Variants in DYRK4 observed in about 807,000 individuals in gnomAD.
DYRK4 encodes dual specificity tyrosine-phosphorylation-regulated kinase 4.
A neutral mutation model predicts 68.3 loss-of-function variants in DYRK4; 64 were observed. The ratio of observed to expected loss-of-function variants is 0.94; its 90% CI spans 0.77 to 1.15. DYRK4 has a LOEUF of 1.15. Among genes scored for constraint, DYRK4 ranks in the 50% most tolerant of loss-of-function variants. The probability of loss-of-function intolerance (pLI) is 0.00; values close to 1 mark genes in which losing one functional copy is unlikely to be tolerated. For synonymous variants in DYRK4, 274 were observed against 289.9 expected (o/e 0.95, Z 0.56); for missense variants, 740 against 764.7 (o/e 0.97, Z 0.38).
intron 2 of DYRK4, among the ~76,000 whole-genome samples, chr12:4,578,024 TC>T (rs1178556424): frequency 6.6e-6 from 1 of 152,186 alleles, no homozygotes; most frequent in Admixed American, 6.5e-5. Context: ...CTTTTTACTT[TC>T]TTTATGTTGT....
At chr12:4,574,096 G>T (rs1169180392) in intron 2 of DYRK4, among the ~76,000 whole-genome samples, 5 of 151,958 alleles carry the variant, frequency 3.3e-5, no homozygotes, top group Non-Finnish European at 7.4e-5. Flanking sequence ...GTGGTGGCGG[G>T]TGCCTGTAAT....
At chr12:4,589,213 T>C (rs966740953) in intron 3 of DYRK4, among the ~76,000 whole-genome samples, 196 bp downstream of exon 3, 3 of 152,200 alleles carry the variant, frequency 2.0e-5, no homozygotes, top group African/African-American at 7.2e-5. Flanking sequence ...TTTAAAAATG[T>C]TTTTATTTTA....
intron 13 of DYRK4, among the ~76,000 whole-genome samples, chr12:4,611,743 C>CA (rs1310499961): frequency 6.6e-6 from 1 of 152,146 alleles, no homozygotes; most frequent in African/African-American, 2.4e-5. Context: ...ACCAGTTAGA[C>CA]AACTGCTAAA....
At chr12:4,611,136 ATGGAG>A in intron 13 of DYRK4, among the ~76,000 whole-genome samples, 1 of 152,242 alleles carries the variant, frequency 6.6e-6, no homozygotes, top group Non-Finnish European at 1.5e-5. Context: ...TTCCAGTTGG[ATGGAG>A]TGATGTTATC....
intron 2 of DYRK4, among the ~76,000 whole-genome samples, chr12:4,568,816 A>G (rs1261976509): frequency 6.6e-6 from 1 of 152,234 alleles, no homozygotes. Flanking sequence ...TATGGGATCA[A>G]CTTCCAAATC....
At chr12:4,609,322 C>G (rs1317187593) in intron 12 of DYRK4, among the ~76,000 whole-genome samples, 1 of 152,204 alleles carries the variant, frequency 6.6e-6, no homozygotes, top group Non-Finnish European at 1.5e-5. Flanking sequence ...CTGTGATTCT[C>G]TTCTATAAGC....
At chr12:4,602,843 T>C in intron 10 of DYRK4, 4 of 1,208,798 alleles carry the variant, frequency 3.3e-6, no homozygotes, top group Admixed American at 1.7e-5. Context: ...TCCCAAATCA[T>C]TGGAAATACA....
intron 2 of DYRK4, among the ~76,000 whole-genome samples, chr12:4,585,635 G>C (rs1042643544): frequency 4.6e-5 from 7 of 152,114 alleles, no homozygotes; most frequent in Admixed American, 2.0e-4. Flanking sequence ...TTGTGGGGTG[G>C]GGGGAGCGGG....
intron 4 of DYRK4, 160 bp downstream of exon 4, chr12:4,590,600 G>C: frequency 7.4e-7 from 1 of 1,343,052 alleles, no homozygotes; most frequent in Non-Finnish European, 9.5e-7. Context: ...CTATAAGCTT[G>C]AGCAAATAAG....
chr12:4,593,010 A>C lies in DYRK4; in HGVS notation c.472A>C (p.Lys158Gln), dbSNP rs370590188. ...KVTLTAAEALKLFKNQLSPYE... is the reference protein window; with the variant it reads ...KVTLTAAEALQLFKNQLSPYE... ...TAGTGTTTTTCACACAGAGGCCCTA[A>C]AGCTTTTTAAGAACCAGCTGTCTCC... The change falls in exon 6 of 15, where the codon AAG (lysine) becomes CAG (glutamine). Residue 158 changes from lysine (K) to glutamine (Q), a missense_variant. Lys to Gln is a moderately conservative substitution (Grantham distance 53, BLOSUM62 1). Coordinates refer to ENST00000543431, the MANE Select transcript of DYRK4 (RefSeq NM_001394779.1). The C allele has an allele frequency of 1.1e-4, 185 of 1,613,918 alleles. No homozygotes were observed. In the East Asian group the frequency reaches 3.6e-3, roughly 31 times the overall value.
At chr12:4,605,896 G>A (rs1945144313) in intron 11 of DYRK4, among the ~76,000 whole-genome samples, 1 of 151,936 alleles carries the variant, frequency 6.6e-6, no homozygotes, top group African/African-American at 2.4e-5. Context: ...CGTCTAATTC[G>A]GTGACTCCTT....
chr12:4,575,298 A>ATTGTGTGT (rs562026104), intron 2 of DYRK4, among the ~76,000 whole-genome samples: 238 of 144,186 alleles, frequency 1.7e-3, no homozygotes, highest in Non-Finnish European at 2.8e-3. Flanking sequence ...ACAATAACTT[A>ATTGTGTGT]CTGTGTGTGT....
intron 1 of DYRK4, among the ~76,000 whole-genome samples, chr12:4,562,597 C>T (rs189736714): frequency 1.3e-5 from 2 of 152,372 alleles, no homozygotes; most frequent in East Asian, 3.9e-4. Flanking sequence ...CAGACCTATC[C>T]TGGAACTGTG....
chr12:4,612,461 A>G, intron 13 of DYRK4, 82 bp from the exon 14 acceptor site: 2 of 1,419,568 alleles, frequency 1.4e-6, no homozygotes, highest in Non-Finnish European at 1.9e-6. Flanking sequence ...TTAAATAAAA[A>G]TCTTTATTGG....
chr12:4,567,093 G>A (rs1814609007), intron 1 of DYRK4, among the ~76,000 whole-genome samples: 1 of 152,196 alleles, frequency 6.6e-6, no homozygotes, highest in Non-Finnish European at 1.5e-5. Flanking sequence ...TTATGGACAA[G>A]TTCTGATTTT....
At chr12:4,575,301 G>C (rs567627432) in intron 2 of DYRK4, among the ~76,000 whole-genome samples, 5 of 128,512 alleles carry the variant, frequency 3.9e-5, no homozygotes, top group East Asian at 2.0e-4. Flanking sequence ...ATAACTTACT[G>C]TGTGTGTGTG....
At chr12:4,600,257 T>C (rs1945066073) in intron 10 of DYRK4, among the ~76,000 whole-genome samples, 1 of 150,524 alleles carries the variant, frequency 6.6e-6, no homozygotes, top group African/African-American at 2.5e-5. Context: ...CAGCGTTTAC[T>C]GAACTTTATT....
intron 10 of DYRK4, among the ~76,000 whole-genome samples, chr12:4,604,456 A>G (rs1325332997): frequency 1.3e-5 from 2 of 152,136 alleles, no homozygotes; most frequent in Non-Finnish European, 2.9e-5. Flanking sequence ...TTTTCTTTCT[A>G]TACAATAAGT....
chr12:4,603,814 C>T (rs758799534), intron 10 of DYRK4, among the ~76,000 whole-genome samples: 3 of 152,200 alleles, frequency 2.0e-5, no homozygotes, highest in Admixed American at 6.5e-5. Flanking sequence ...TTTCAGTTTT[C>T]ATTTATCTTG....
Sources: allele counts gnomAD v4.1 joint callset (sites outside exome capture counted in the v4.1 genomes callset), GRCh38; gene constraint gnomAD v4.1.1; transcripts MANE v1.5; gene names NCBI Gene and HGNC (gene_info 2026-07-23, HGNC 2026-07-21).